The following TATDN2 variants were observed in gnomAD, a reference collection of about 807,000 sequenced individuals.
TATDN2 encodes the protein TatD DNase domain containing 2, also known as 3'-5' RNA nuclease TATDN2.
TATDN2 carries 44 observed loss-of-function variants against 60.3 expected under a neutral mutation model. The ratio of observed to expected loss-of-function variants is 0.73; its 90% CI spans 0.57 to 0.94. The LOEUF (loss-of-function observed/expected upper bound fraction) is 0.94. TATDN2 is among the 40% of genes least tolerant of loss of function. TATDN2 has a pLI of 0.00. For synonymous variants in TATDN2, 399 were observed against 355.8 expected (o/e 1.12, Z -1.37); for missense variants, 997 against 948.0 (o/e 1.05, Z -0.68).
At position 10,260,137 on chromosome 3, in the gene TATDN2, G is replaced by T; in HGVS notation, c.415G>T (p.Val139Phe). The T allele has an allele frequency of 6.3e-7, 1 of 1,593,488 alleles. No homozygotes were observed. The highest frequency in any genetic ancestry group is 8.5e-7 in the Non-Finnish European group (1 of 1,173,206). The change falls in exon 3 of 8, where the codon GTT becomes TTT. Residue 139 changes from valine to phenylalanine, a missense_variant and splice_region_variant. Val to Phe is a conservative substitution (Grantham distance 50, BLOSUM62 -1). Transcript: ENST00000448281. ...TTCAATTCTGTTTTTTTTTTCCCAG[G>T]TTGATTCCAAAGATAGTTCTCATAA... ...SLEEEACSLK[V>F]DSKDSSHNST...
At chr3:10,265,072 T>C (rs900740901) in intron 3 of TATDN2, among the ~76,000 whole-genome samples, 2 of 147,596 alleles carry the variant, frequency 1.4e-5, no homozygotes, top group African/African-American at 5.0e-5. Context: ...TGCTGCCAAT[T>C]TTTTTTTCTT....
rs1658772434 is a variant in TATDN2 at position 10,249,590 on chromosome 3, A to G, written c.390A>G (p.Leu130=). The change falls in exon 2 of 8, where the codon CTA becomes CTG. Residue 130 remains leucine, a synonymous_variant. Transcript: ENST00000448281. ...ANASLEEMAS[L]EEEACSLKVD... ...CCTCTTTGGAAGAAATGGCTTCTCT[A>G]GAGGAGGAAGCCTGCAGCCTTAAGG... The G allele has an allele frequency of 2.6e-6, 4 of 1,527,864 alleles. No homozygotes were observed. Among genetic ancestry groups the G allele is most frequent in the East Asian group, 2.3e-5 (1 of 43,618 alleles). 94.6% of individuals were successfully genotyped at this position (1,527,864 alleles called of 1,614,324 possible).
Position 10,265,665 on chromosome 3 carries a change from G to GAGCA in TATDN2, c.949-4463_949-4460dup, listed in dbSNP as rs997931883. On this transcript the variant is annotated intron_variant, in intron 3 of 7. Coordinates refer to ENST00000448281, the MANE Select transcript of TATDN2 (RefSeq NM_014760.4). ...CCACTGCACTCCAGCCTGGGCAACAGAGCAAGACTCCGTCTCAAAAAAAAA... is the reference window on the plus strand; with the variant it reads ...CCACTGCACTCCAGCCTGGGCAACAGAGCAAGCAAGACTCCGTCTCAAAAAAAAA... Among the ~76,000 whole-genome samples, 11 of 120,546 alleles carry GAGCA rather than the reference G, an allele frequency of 9.1e-5. 1 individual carries two copies. Among genetic ancestry groups the GAGCA allele is most frequent in the Admixed American group, 7.4e-4 (7 of 9,492 alleles). 79.1% of individuals were successfully genotyped at this position (120,546 alleles called of 152,430 possible).
Position 10,280,536 on chromosome 3 carries a change from G to A in TATDN2, c.*1354G>A, listed in dbSNP as rs1698718932. 1 of 153,876 alleles carries A rather than the reference G, an allele frequency of 6.5e-6. No individual in the cohort carries two copies. The highest frequency in any genetic ancestry group is 1.9e-4 in the East Asian group (1 of 5,182). 9.5% of individuals were successfully genotyped at this position (153,876 alleles called of 1,614,324 possible). On this transcript the variant is annotated 3_prime_UTR_variant, in exon 8 of 8. Transcript: ENST00000448281. ...GGAGTCCCTCGTCTGTGGTCTTGGA[G>A]GCTTAAATTGTAAAATACATCCCTT...
rs192126360 is a variant in TATDN2 at position 10,276,581 on chromosome 3, A to G, written c.1961+93A>G. On this transcript the variant is annotated intron_variant, in intron 5 of 7. Coordinates refer to ENST00000448281, the MANE Select transcript of TATDN2 (RefSeq NM_014760.4). Reference sequence around the variant, plus strand: ...CAATGATCGTATTCTGTCATTATACACTATCTATTCTTTTTTTTTTTTTTC... The same window carrying G: ...CAATGATCGTATTCTGTCATTATACGCTATCTATTCTTTTTTTTTTTTTTC... 4 of 1,483,954 alleles carry G rather than the reference A, an allele frequency of 2.7e-6. No individual in the cohort carries two copies. The East Asian group carries it at 7.2e-5, about 27-fold the overall frequency. The allele number at this position is 1,483,954 out of a possible 1,614,324, so 91.9% of individuals were successfully genotyped here.
intron 2 of TATDN2, among the ~76,000 whole-genome samples, chr3:10,255,007 T>TTCCCGC (rs1553628212): frequency 1.5e-5 from 1 of 68,794 alleles, no homozygotes; most frequent in African/African-American, 1.1e-4. Context: ...TCCTTCCCAC[T>TTCCCGC]TCCCACTCCC....
At chr3:10,254,297 T>C (rs975615469) in intron 2 of TATDN2, among the ~76,000 whole-genome samples, 5 of 152,078 alleles carry the variant, frequency 3.3e-5, no homozygotes, top group African/African-American at 1.2e-4. Context: ...ATCAGGAAGG[T>C]CCTCACAGAA....
chr3:10,276,422 G>T lies in TATDN2; in HGVS notation c.1895G>T (p.Arg632Leu), dbSNP rs760916206. 1 of 1,613,800 alleles carries T rather than the reference G, an allele frequency of 6.2e-7. No homozygotes were observed. The highest frequency in any genetic ancestry group is 8.5e-7 in the Non-Finnish European group (1 of 1,179,954). The change falls in exon 5 of 8, where the codon CGA becomes CTA. Residue 632 changes from arginine to leucine, a missense_variant. Arg to Leu is a moderately radical substitution (Grantham distance 102, BLOSUM62 -2). Coordinates refer to ENST00000448281, the MANE Select transcript of TATDN2 (RefSeq NM_014760.4). ...SLKKPLVIHCREADEDLLEIM... is the reference protein window; with the variant it reads ...SLKKPLVIHCLEADEDLLEIM... ...AAGAAGCCCTTGGTGATCCACTGCC[G>T]AGAAGCTGATGAAGATCTGCTAGAA...
chr3:10,278,269 C>A lies in TATDN2; in HGVS notation c.1962-10C>A. 6.2e-7 allele frequency: 1 copy of A among 1,611,786 alleles called. No individual in the cohort carries two copies. Among genetic ancestry groups the A allele is most frequent in the Non-Finnish European group, 8.5e-7 (1 of 1,178,568 alleles). On this transcript the variant is annotated splice_polypyrimidine_tract_variant and intron_variant, in intron 5 of 7. Coordinates refer to ENST00000448281, the MANE Select transcript of TATDN2 (RefSeq NM_014760.4). The surrounding 1 kb of genome is among the most constrained non-coding windows in gnomAD (Gnocchi z 4.7). ...CTGTGAGCAGCCCTGATGTGGAGTT[C>A]TGTCTCCAGGCATTGCTTCACCGGC... is the stretch of plus-strand genomic sequence containing the variant.
intron 2 of TATDN2, 150 bp from the exon 3 acceptor site, chr3:10,259,987 C>A: frequency 1.2e-6 from 1 of 856,918 alleles, no homozygotes; most frequent in Non-Finnish European, 1.8e-6. Flanking sequence ...TCTTACAGTG[C>A]CACTTCACCA....
chr3:10,268,227 GA>G (rs1335136563), intron 3 of TATDN2, among the ~76,000 whole-genome samples: 1 of 152,212 alleles, frequency 6.6e-6, no homozygotes, highest in African/African-American at 2.4e-5. Context: ...TCTAAGGCAG[GA>G]AAGTATAAAA....
At chr3:10,273,264 A>G (rs1005774823) in intron 4 of TATDN2, among the ~76,000 whole-genome samples, 12 of 152,194 alleles carry the variant, frequency 7.9e-5, no homozygotes, top group African/African-American at 2.7e-4. Context: ...TGTCAACACC[A>G]GAGACTCCTA....
At chr3:10,258,040 T>C (rs1008100612) in intron 2 of TATDN2, among the ~76,000 whole-genome samples, 3 of 150,454 alleles carry the variant, frequency 2.0e-5, no homozygotes, top group Admixed American at 6.6e-5. Context: ...TTTTGTATTT[T>C]TAGTAGAGAC....
In TATDN2 at chr3:10,276,440, T is replaced by C; in HGVS notation, c.1913T>C (p.Leu638Pro). 5.0e-6 allele frequency: 8 copies of C among 1,614,100 alleles called. No homozygotes were observed. Among genetic ancestry groups the C allele is most frequent in the Non-Finnish European group, 6.8e-6 (8 of 1,179,988 alleles). ...VIHCREADED[L>P]LEIMKKFVPP... is the part of the protein sequence containing the mutation. ...CACTGCCGAGAAGCTGATGAAGATCTGCTAGAAATCATGAAAAAGTTTGTG... is the reference window on the plus strand; with the variant it reads ...CACTGCCGAGAAGCTGATGAAGATCCGCTAGAAATCATGAAAAAGTTTGTG... Residue 638 changes from leucine to proline, a missense_variant, in exon 5 of 8, where the codon CTG (leucine) becomes CCG (proline). By Grantham distance (98) the Leu-to-Pro change is moderately conservative (BLOSUM62 -3). Coordinates refer to ENST00000448281, the MANE Select transcript of TATDN2 (RefSeq NM_014760.4).
At chr3:10,254,722 G>A (rs1698279479) in intron 2 of TATDN2, among the ~76,000 whole-genome samples, 1 of 152,158 alleles carries the variant, frequency 6.6e-6, no homozygotes, top group Non-Finnish European at 1.5e-5. Flanking sequence ...CAGGCTACTG[G>A]TGATAGGGCT....
chr3:10,276,380 A>G lies in TATDN2; in HGVS notation c.1853A>G (p.Gln618Arg). 1 of 1,614,030 alleles carries G rather than the reference A, an allele frequency of 6.2e-7. No individual in the cohort carries two copies. The highest frequency in any genetic ancestry group is 8.5e-7 in the Non-Finnish European group (1 of 1,179,954). ...TCCTAGGTATTTGAGAGACAGCTGC[A>G]GCTGGCTGTGTCTCTAAAGAAGCCC... ...EQHKVFERQL[Q>R]LAVSLKKPLV... The change falls in exon 5 of 8, where the codon CAG becomes CGG. Residue 618 changes from glutamine to arginine, a missense_variant. Transcript: ENST00000448281.
intron 3 of TATDN2, 133 bp downstream of exon 3, chr3:10,260,803 T>C: frequency 9.8e-7 from 1 of 1,022,546 alleles, no homozygotes; most frequent in Non-Finnish European, 1.4e-6. Flanking sequence ...GGGAACAAAC[T>C]GATGGTTTTC....
At chr3:10,279,115 T>A in intron 7 of TATDN2, 52 bp downstream of exon 7, 1 of 1,495,512 alleles carries the variant, frequency 6.7e-7, no homozygotes, top group Non-Finnish European at 9.1e-7. Flanking sequence ...AGTCTTTTGT[T>A]GCATTTTGTT....
chr3:10,268,573 C>T (rs948517918), intron 3 of TATDN2, among the ~76,000 whole-genome samples: 1 of 152,154 alleles, frequency 6.6e-6, no homozygotes, highest in East Asian at 1.9e-4. Flanking sequence ...ATTTCTCAAA[C>T]CTGGTCTGCA....
Sources: allele counts gnomAD v4.1 joint callset (sites outside exome capture counted in the v4.1 genomes callset), GRCh38; gene constraint gnomAD v4.1.1; non-coding constraint Gnocchi (gnomAD v3.1); transcripts MANE v1.5; gene names NCBI Gene and HGNC (gene_info 2026-07-23, HGNC 2026-07-21).